GALNT2: variants seen among roughly 807,000 people sequenced by gnomAD.
The protein encoded by GALNT2 is UDP-GalNAc:polypeptide N-acetylgalactosaminyltransferase 2.
GALNT2 carries 31 observed loss-of-function variants against 81.4 expected under a neutral mutation model. The observed-to-expected ratio is 0.38, with a 90% CI of 0.29 to 0.51. GALNT2 has a LOEUF of 0.51. Among genes scored for constraint, GALNT2 ranks in the 20% least tolerant of loss-of-function variants. GALNT2 has a pLI of 0.87. For synonymous variants in GALNT2, 303 were observed against 287.4 expected (o/e 1.05, Z -0.55); for missense variants, 629 against 765.7 (o/e 0.82, Z 2.11).
intron 10 of GALNT2, 24 bp downstream of exon 10, chr1:230,250,584 G>T (rs1306566085): frequency 6.4e-7 from 1 of 1,563,930 alleles, no homozygotes; most frequent in South Asian, 1.2e-5. Context: ...TCAAATCTCA[G>T]GACAGAGAAG....
chr1:230,172,600 C>G (rs1283622170), intron 1 of GALNT2, among the ~76,000 whole-genome samples: 3 of 152,212 alleles, frequency 2.0e-5, no homozygotes, highest in Non-Finnish European at 4.4e-5. Flanking sequence ...TAGATTCGAT[C>G]AATAGTGCCT....
chr1:230,254,266 G>C (rs1391950920), intron 10 of GALNT2, among the ~76,000 whole-genome samples: 1 of 152,204 alleles, frequency 6.6e-6, no homozygotes, highest in African/African-American at 2.4e-5. Flanking sequence ...ACACCAGTCA[G>C]TCTAAGCTTC....
chr1:230,095,779 C>G (rs1003302819), intron 1 of GALNT2, among the ~76,000 whole-genome samples: 1 of 152,174 alleles, frequency 6.6e-6, no homozygotes, highest in Non-Finnish European at 1.5e-5. Flanking sequence ...CCACCTGGGT[C>G]CCCTGGGGCC....
intron 1 of GALNT2, among the ~76,000 whole-genome samples, chr1:230,059,317 G>T (rs182011355): frequency 5.9e-5 from 9 of 152,270 alleles, no homozygotes; most frequent in African/African-American, 1.4e-4. Context: ...AAGCCCTAAG[G>T]GCTTCTGGCA....
chr1:230,067,253 C>G lies in GALNT2; in HGVS notation c.-28C>G. On this transcript the variant is annotated 5_prime_UTR_variant, in exon 1 of 16. Transcript: ENST00000366672. ...CCCAGGCAGCACTCGCGAGCAGCGG[C>G]GGCCCCGCCGGCGGCCGAGTTGGGA... 2 of 1,269,238 alleles carry G rather than the reference C, an allele frequency of 1.6e-6. No individual in the cohort carries two copies. Among genetic ancestry groups the G allele is most frequent in the South Asian group, 2.3e-5 (1 of 44,138 alleles). The allele number at this position is 1,269,238 out of a possible 1,614,324, so 78.6% of individuals were successfully genotyped here. A position where few individuals can be genotyped will look rare whatever the true frequency, so the allele number is the denominator to read the frequency against.
At chr1:230,251,831 C>G (rs1665554169) in intron 10 of GALNT2, among the ~76,000 whole-genome samples, 1 of 152,146 alleles carries the variant, frequency 6.6e-6, no homozygotes, top group South Asian at 2.1e-4. Context: ...CATCAGCCAG[C>G]ATTTTGTGTC....
At position 230,246,048 on chromosome 1, in the gene GALNT2, C is replaced by G; in HGVS notation, c.730-15C>G. The G allele has an allele frequency of 6.2e-7, 1 of 1,605,628 alleles. No individual in the cohort carries two copies. The highest frequency in any genetic ancestry group is 8.5e-7 in the Non-Finnish European group (1 of 1,172,300). On this transcript the variant is annotated splice_polypyrimidine_tract_variant and intron_variant, in intron 7 of 15. Transcript: ENST00000366672. ...TGCTGGGATTTTGATAACTACTCCTCTCTTTGTATTTTAGGACAGGACTCG... is the reference window on the plus strand; with the variant it reads ...TGCTGGGATTTTGATAACTACTCCTGTCTTTGTATTTTAGGACAGGACTCG...
chr1:230,110,422 A>G (rs1446847984), intron 1 of GALNT2, among the ~76,000 whole-genome samples: 2 of 152,192 alleles, frequency 1.3e-5, no homozygotes, highest in Non-Finnish European at 2.9e-5. Context: ...ACATGAGGAC[A>G]GGGCGTGGGG....
rs1436002101 is a variant in GALNT2, at chr1:230,193,547, G to A, written c.221-9590G>A. Among the ~76,000 whole-genome samples, 1 of 151,694 alleles carries A rather than the reference G, an allele frequency of 6.6e-6. No homozygotes were observed. The highest frequency in any genetic ancestry group is 1.5e-5 in the Non-Finnish European group (1 of 67,956). The stretch of plus-strand genomic sequence containing the variant: ...CTGGGGTCTTCATGTGCTTTGTGAT[G>A]TTAATTCTTTGAAGGGTCAGTTTTA... On this transcript the variant is annotated intron_variant, in intron 2 of 15. Transcript: ENST00000366672. The surrounding 1 kb of genome is among the most constrained non-coding windows in gnomAD (Gnocchi z 4.3).
At position 230,061,611 on chromosome 1, in the gene GALNT2, T is replaced by C. The variant is rs181417382; in HGVS notation, n.89+3533T>C. ...CTCCCCTCAGCTTTCTTGATTTTAT[T>C]TTGTTTTTTTAATATAGAGAACACT... On this transcript the variant is annotated intron_variant and non_coding_transcript_variant, in intron 1 of 6. Coordinates refer to the GALNT2 transcript ENST00000494106. Among the ~76,000 whole-genome samples the C allele has an allele frequency of 5.3e-3, 801 of 152,288 alleles. 11 individuals are homozygous for C. The highest frequency in any genetic ancestry group is 0.018 in the African/African-American group (745 of 41,536).
chr1:230,239,024 G>A (rs542495427), intron 6 of GALNT2, among the ~76,000 whole-genome samples: 5 of 152,146 alleles, frequency 3.3e-5, no homozygotes, highest in South Asian at 4.1e-4. Context: ...GGATATAGGC[G>A]TATTCAGATC....
intron 2 of GALNT2, among the ~76,000 whole-genome samples, chr1:230,200,606 G>C (rs1191683082): frequency 1.3e-5 from 2 of 152,220 alleles, no homozygotes; most frequent in African/African-American, 4.8e-5. Context: ...GGGTGTGAGA[G>C]CACAAAGAGA....
At chr1:230,100,797 A>G (rs186636020) in intron 1 of GALNT2, among the ~76,000 whole-genome samples, 240 of 152,362 alleles carry the variant, frequency 1.6e-3, no homozygotes, top group Admixed American at 4.2e-3. Context: ...GTATATGTAC[A>G]TATAAGTGTA....
rs750456193 is a variant in GALNT2, at chr1:230,271,709, C to T, written c.1441-2736C>T. Among the ~76,000 whole-genome samples the T allele has an allele frequency of 3.3e-5, 5 of 152,246 alleles. No homozygotes were observed. Among genetic ancestry groups the T allele is most frequent in the Non-Finnish European group, 1.5e-5 (1 of 68,048 alleles). ...AGACTGAAACCCAGGAGCAGCTGGACGGGAGAGATGCATAGCACGCGGTGT... is the reference window on the plus strand; with the variant it reads ...AGACTGAAACCCAGGAGCAGCTGGATGGGAGAGATGCATAGCACGCGGTGT... On this transcript the variant is annotated intron_variant, in intron 14 of 15. Transcript: ENST00000366672. The surrounding 1 kb of genome is among the most constrained non-coding windows in gnomAD (Gnocchi z 4.2).
intron 8 of GALNT2, among the ~76,000 whole-genome samples, chr1:230,247,102 G>T (rs1489181690): frequency 1.3e-5 from 2 of 151,026 alleles, no homozygotes; most frequent in African/African-American, 4.9e-5. Context: ...AAAATTAGCT[G>T]CGTGTGATGG....
At chr1:230,166,047 T>C (rs1212605519) in intron 1 of GALNT2, among the ~76,000 whole-genome samples, 2 of 152,294 alleles carry the variant, frequency 1.3e-5, no homozygotes, top group Non-Finnish European at 1.5e-5. Context: ...CCCCTGTGTT[T>C]ACCTGTCTTT....
intron 3 of GALNT2, among the ~76,000 whole-genome samples, chr1:230,232,374 G>A (rs990248859): frequency 5.3e-5 from 8 of 152,234 alleles, no homozygotes; most frequent in Admixed American, 5.2e-4. Context: ...GCAGCTCTGC[G>A]TGTTCTGAAA....
At chr1:230,079,970 A>T (rs2102752197) in intron 1 of GALNT2, among the ~76,000 whole-genome samples, 1 of 152,320 alleles carries the variant, frequency 6.6e-6, no homozygotes, top group Non-Finnish European at 1.5e-5. Flanking sequence ...GGAAGATGTG[A>T]ATTTGGCGTC....
chr1:230,210,324 C>G (rs1026090344), intron 3 of GALNT2, among the ~76,000 whole-genome samples: 1 of 152,140 alleles, frequency 6.6e-6, no homozygotes, highest in Non-Finnish European at 1.5e-5. Context: ...TCTTCTTTCC[C>G]CTGTCAACTA....
Sources: allele counts gnomAD v4.1 joint callset (sites outside exome capture counted in the v4.1 genomes callset), GRCh38; gene constraint gnomAD v4.1.1; non-coding constraint Gnocchi (gnomAD v3.1); transcripts MANE v1.5; gene names NCBI Gene and HGNC (gene_info 2026-07-23, HGNC 2026-07-21).